Variants in GALNT10 observed in about 807,000 individuals in gnomAD.
The protein encoded by GALNT10 is GalNAc transferase 10.
A neutral mutation model predicts 75.0 loss-of-function variants in GALNT10; 41 were observed. The observed-to-expected ratio is 0.55, with a 90% CI of 0.43 to 0.71. The LOEUF (loss-of-function observed/expected upper bound fraction) is 0.71, where lower values mean the gene tolerates loss of function less well. GALNT10 is among the 30% of genes least tolerant of loss of function. The pLI is 0.00. For synonymous variants in GALNT10, 302 were observed against 313.0 expected (o/e 0.96, Z 0.37); for missense variants, 727 against 818.5 (o/e 0.89, Z 1.36).
chr5:154,264,446 G>C (rs559968292), intron 1 of GALNT10, among the ~76,000 whole-genome samples: 11 of 152,202 alleles, frequency 7.2e-5, no homozygotes, highest in African/African-American at 2.6e-4. Context: ...CTCGACAGAT[G>C]CATGCTGAAG....
intron 4 of GALNT10, among the ~76,000 whole-genome samples, chr5:154,347,415 G>A (rs1319515218): frequency 6.6e-6 from 1 of 151,480 alleles, no homozygotes; most frequent in East Asian, 2.0e-4. Flanking sequence ...TCAGGTTGAA[G>A]TGCAATGATG....
At chr5:154,222,810 T>G (rs13360740) in intron 1 of GALNT10, among the ~76,000 whole-genome samples, 2,267 of 152,294 alleles carry the variant, frequency 0.015, 46 homozygotes, top group African/African-American at 0.052. Flanking sequence ...TCTTGTTGAG[T>G]TTTAAGAATG....
chr5:154,278,255 C>T (rs1329105607), intron 1 of GALNT10, among the ~76,000 whole-genome samples: 2 of 152,226 alleles, frequency 1.3e-5, no homozygotes, highest in South Asian at 4.1e-4. Flanking sequence ...TGTATTCTCC[C>T]TCATCAACCC....
In GALNT10 at chr5:154,412,627, A is replaced by G; in HGVS notation, c.1387-262A>G. On this transcript the variant is annotated intron_variant, in intron 9 of 11. Coordinates refer to ENST00000297107, the MANE Select transcript of GALNT10 (RefSeq NM_198321.4). This position sits in a 1 kb window ranked among gnomAD's most constrained non-coding sequence, Gnocchi z 4.2. ...AGTCCTTTACCAACTCCTCACCTCCACTCCCCCACCACCAACCCAGGACTC... is the reference window on the plus strand; with the variant it reads ...AGTCCTTTACCAACTCCTCACCTCCGCTCCCCCACCACCAACCCAGGACTC... 1 of 361,758 alleles carries G rather than the reference A, an allele frequency of 2.8e-6. No individual in the cohort carries two copies. 22.4% of individuals were successfully genotyped at this position (361,758 alleles called of 1,614,324 possible).
At position 154,354,132 on chromosome 5, in the gene GALNT10, T is replaced by C. The variant is rs201961324; in HGVS notation, c.569-22145T>C. On this transcript the variant is annotated intron_variant, in intron 4 of 11. Coordinates refer to ENST00000297107, the MANE Select transcript of GALNT10 (RefSeq NM_198321.4). ...TGCTATAAGGGTGTCACAAGTAATT[T>C]TGTGACCGTTCCAAAAGCATCAGTG... Among the ~76,000 whole-genome samples the C allele has an allele frequency of 1.1e-4, 16 of 152,300 alleles. No homozygotes were observed. In the East Asian group the frequency reaches 2.5e-3, roughly 24 times the overall value.
intron 3 of GALNT10, among the ~76,000 whole-genome samples, chr5:154,316,291 T>G (rs11746401): frequency 0.3 from 46,309 of 152,130 alleles, 7,829 homozygotes; most frequent in African/African-American, 0.45. Context: ...CTCTTTGTGT[T>G]GGGACTAAAC....
rs7707282 is a variant in GALNT10 at position 154,294,039 on chromosome 5, G to A, written c.160-777G>A. On this transcript the variant is annotated intron_variant, in intron 1 of 11. Coordinates refer to ENST00000297107, the MANE Select transcript of GALNT10 (RefSeq NM_198321.4). ...AAATACACACTGGATTTCAAAGGCA[G>A]TACAAAAAAAAGAATGTAGGTTGGA... is the stretch of plus-strand genomic sequence containing the variant. Among the ~76,000 whole-genome samples, 309 of 152,222 alleles carry A rather than the reference G, an allele frequency of 2.0e-3. 2 individuals are homozygous for A. In the South Asian group the frequency reaches 0.024, roughly 12 times the overall value.
At chr5:154,339,593 G>A (rs566715768) in intron 4 of GALNT10, among the ~76,000 whole-genome samples, 7 of 151,642 alleles carry the variant, frequency 4.6e-5, no homozygotes, top group South Asian at 4.2e-4. Flanking sequence ...CAAATAAATC[G>A]CTCAGATTGC....
At chr5:154,230,778 C>T (rs1753138429) in intron 1 of GALNT10, among the ~76,000 whole-genome samples, 1 of 152,222 alleles carries the variant, frequency 6.6e-6, no homozygotes, top group African/African-American at 2.4e-5. Context: ...GCACCACTTA[C>T]TAGCAGCTTC....
chr5:154,374,441 G>A (rs1446652377), intron 4 of GALNT10, among the ~76,000 whole-genome samples: 1 of 152,214 alleles, frequency 6.6e-6, no homozygotes, highest in Non-Finnish European at 1.5e-5. Flanking sequence ...AGTGATGGAA[G>A]CAGTGTTTCC....
At chr5:154,247,157 C>T (rs1753439985) in intron 1 of GALNT10, among the ~76,000 whole-genome samples, 1 of 152,074 alleles carries the variant, frequency 6.6e-6, no homozygotes, top group African/African-American at 2.4e-5. Flanking sequence ...CTGTTCTGTT[C>T]CATTGGTCTA....
intron 4 of GALNT10, among the ~76,000 whole-genome samples, chr5:154,343,087 T>C (rs182148266): frequency 1.8e-4 from 28 of 151,864 alleles, no homozygotes; most frequent in Admixed American, 1.6e-3. Context: ...CTGGGAAGAA[T>C]GTTTAACATG....
Position 154,380,600 on chromosome 5 carries a change from C to G in GALNT10, c.907C>G (p.Leu303Val), listed in dbSNP as rs368896641. 8.7e-6 allele frequency: 14 copies of G among 1,613,586 alleles called. No homozygotes were observed. In the African/African-American group the frequency reaches 1.1e-4, roughly 12 times the overall value. The change falls in exon 6 of 12, where the codon CTG (leucine) becomes GTG (valine). Residue 303 changes from leucine (L) to valine (V), a missense_variant. Coordinates refer to ENST00000297107, the MANE Select transcript of GALNT10 (RefSeq NM_198321.4). Reference sequence around the variant, plus strand: ...CAAGCGGATCCCGATCCCTCCAGAACTGCAGAAAGCTGACCCCAGCGACCC... The same window carrying G: ...CAAGCGGATCCCGATCCCTCCAGAAGTGCAGAAAGCTGACCCCAGCGACCC... ...YYKRIPIPPE[L>V]QKADPSDPFE...
At chr5:154,244,149 G>A (rs1403362500) in intron 1 of GALNT10, among the ~76,000 whole-genome samples, 1 of 152,248 alleles carries the variant, frequency 6.6e-6, no homozygotes, top group Non-Finnish European at 1.5e-5. Context: ...CCCTAAACGG[G>A]AGCTTTGCCA....
intron 4 of GALNT10, among the ~76,000 whole-genome samples, chr5:154,369,430 A>G (rs190099321): frequency 1.7e-4 from 26 of 152,240 alleles, no homozygotes; most frequent in African/African-American, 5.5e-4. Flanking sequence ...AAATGAAGCA[A>G]TGTGTATGAT....
At chr5:154,202,313 G>A (rs1414908417) in intron 1 of GALNT10, among the ~76,000 whole-genome samples, 1 of 152,240 alleles carries the variant, frequency 6.6e-6, no homozygotes, top group Non-Finnish European at 1.5e-5. Flanking sequence ...GGCTCCTGGT[G>A]TGGCAGTGGG....
intron 1 of GALNT10, among the ~76,000 whole-genome samples, chr5:154,230,286 G>T (rs146534300): frequency 6.6e-6 from 1 of 152,088 alleles, no homozygotes; most frequent in Non-Finnish European, 1.5e-5. Context: ...GCCTCTCTAC[G>T]CCCAGAAGTG....
intron 1 of GALNT10, among the ~76,000 whole-genome samples, chr5:154,247,427 T>G (rs144900897): frequency 9.8e-5 from 15 of 152,372 alleles, no homozygotes; most frequent in African/African-American, 3.4e-4. Flanking sequence ...TGATAATTGA[T>G]TCTTCCTACC....
At chr5:154,366,450 A>T (rs1250260637) in intron 4 of GALNT10, among the ~76,000 whole-genome samples, 1 of 152,202 alleles carries the variant, frequency 6.6e-6, no homozygotes, top group African/African-American at 2.4e-5. Flanking sequence ...TAAAAATTTT[A>T]AAAAAGAAAA....
Sources: allele counts gnomAD v4.1 joint callset (sites outside exome capture counted in the v4.1 genomes callset), GRCh38; gene constraint gnomAD v4.1.1; non-coding constraint Gnocchi (gnomAD v3.1); transcripts MANE v1.5; gene names NCBI Gene and HGNC (gene_info 2026-07-23, HGNC 2026-07-21).